Variants in SPOCK1 observed in about 807,000 individuals in gnomAD.
The protein encoded by SPOCK1 is testican-1.
SPOCK1 carries 23 observed loss-of-function variants against 55.3 expected under a neutral mutation model. The ratio of observed to expected loss-of-function variants is 0.42; its 90% CI spans 0.30 to 0.59. The LOEUF (loss-of-function observed/expected upper bound fraction) is 0.59. Among genes scored for constraint, SPOCK1 ranks in the 20% least tolerant of loss-of-function variants. SPOCK1 has a pLI of 0.22. For synonymous variants in SPOCK1, 226 were observed against 221.0 expected (o/e 1.02, Z -0.20); for missense variants, 499 against 552.5 (o/e 0.90, Z 0.97).
chr5:137,388,918 C>G (rs150261484), intron 2 of SPOCK1, among the ~76,000 whole-genome samples: 1 of 152,310 alleles, frequency 6.6e-6, no homozygotes, highest in East Asian at 1.9e-4. Flanking sequence ...GAATTTGCCA[C>G]AGACCATTCA....
At chr5:137,021,781 G>A (rs1385467139) in intron 6 of SPOCK1, among the ~76,000 whole-genome samples, 1 of 152,004 alleles carries the variant, frequency 6.6e-6, no homozygotes, top group Non-Finnish European at 1.5e-5. Context: ...GGAAGAAGAT[G>A]ACAATATTTT....
intron 5 of SPOCK1, among the ~76,000 whole-genome samples, chr5:137,103,650 G>A (rs534897965): frequency 2.1e-4 from 32 of 152,266 alleles, no homozygotes; most frequent in African/African-American, 6.7e-4. Context: ...ATGTAATCCC[G>A]TTATAAGCCT....
intron 6 of SPOCK1, among the ~76,000 whole-genome samples, chr5:137,021,372 T>A (rs1226293165): frequency 6.6e-6 from 1 of 152,092 alleles, no homozygotes; most frequent in Non-Finnish European, 1.5e-5. Flanking sequence ...AGAAAATTAA[T>A]GTAGCAATAA....
intron 2 of SPOCK1, among the ~76,000 whole-genome samples, chr5:137,359,048 C>T (rs1165794509): frequency 6.6e-6 from 1 of 152,164 alleles, no homozygotes; most frequent in African/African-American, 2.4e-5. Context: ...CAAAGGGAGT[C>T]TAAATAAATC....
chr5:137,004,243 C>A (rs1268956656), intron 6 of SPOCK1, among the ~76,000 whole-genome samples: 1 of 152,132 alleles, frequency 6.6e-6, no homozygotes, highest in East Asian at 1.9e-4. Flanking sequence ...AGGACACCTG[C>A]ATTATCATGC....
At chr5:136,978,887 C>T in intron 10 of SPOCK1, 43 bp from the exon 11 acceptor site, 1 of 1,552,320 alleles carries the variant, frequency 6.4e-7, no homozygotes, top group Non-Finnish European at 8.7e-7. Flanking sequence ...TCCACTTATA[C>T]CTCATGACCC....
chr5:137,431,856 C>T (rs1410897038), intron 2 of SPOCK1, among the ~76,000 whole-genome samples: 1 of 152,164 alleles, frequency 6.6e-6, no homozygotes, highest in African/African-American at 2.4e-5. Context: ...CTAAATAAGC[C>T]TCTTTTCTTT....
intron 2 of SPOCK1, among the ~76,000 whole-genome samples, chr5:137,373,924 C>A (rs752438163): frequency 3.9e-5 from 6 of 152,126 alleles, no homozygotes; most frequent in Admixed American, 6.5e-5. Context: ...ATTTATGGAG[C>A]CCACACTGTT....
At chr5:137,040,084 ACTTGCTTCCCTGCT>A (rs1243938137) in intron 6 of SPOCK1, among the ~76,000 whole-genome samples, 1 of 152,170 alleles carries the variant, frequency 6.6e-6, no homozygotes, top group Non-Finnish European at 1.5e-5. Flanking sequence ...TTCCTCCTGC[ACTTGCTTCCCTGCT>A]CTGGCTGTGT....
chr5:137,088,110 G>A (rs1475011055), intron 5 of SPOCK1, among the ~76,000 whole-genome samples: 1 of 152,160 alleles, frequency 6.6e-6, no homozygotes, highest in Non-Finnish European at 1.5e-5. Flanking sequence ...GGGACCACAG[G>A]AGGCTGGACT....
intron 5 of SPOCK1, among the ~76,000 whole-genome samples, chr5:137,082,282 G>T (rs1484101566): frequency 6.6e-6 from 1 of 152,238 alleles, no homozygotes; most frequent in Non-Finnish European, 1.5e-5. Flanking sequence ...AAATATCTGG[G>T]TAACTTCTTG....
chr5:137,275,043 C>T (rs1757035152), intron 2 of SPOCK1, among the ~76,000 whole-genome samples: 1 of 152,188 alleles, frequency 6.6e-6, no homozygotes. Flanking sequence ...GGACCTGAAC[C>T]TGCTCTGAAC....
intron 2 of SPOCK1, among the ~76,000 whole-genome samples, chr5:137,284,342 A>G (rs1757225484): frequency 6.6e-6 from 1 of 152,200 alleles, no homozygotes; most frequent in Admixed American, 6.5e-5. Flanking sequence ...CAGAACAGGT[A>G]TTGGTTGAAT....
chr5:137,437,394 A>T (rs528526029), intron 2 of SPOCK1, among the ~76,000 whole-genome samples: 1 of 152,334 alleles, frequency 6.6e-6, no homozygotes, highest in South Asian at 2.1e-4. Flanking sequence ...AAAGAGATTA[A>T]GTTTTTTAAC....
At chr5:137,027,325 G>A (rs1309981218) in intron 6 of SPOCK1, among the ~76,000 whole-genome samples, 2 of 152,180 alleles carry the variant, frequency 1.3e-5, no homozygotes, top group East Asian at 3.8e-4. Context: ...GCCATCATAA[G>A]CTGTTAGGTC....
intron 1 of SPOCK1, 23 bp from the exon 2 acceptor site, chr5:137,498,581 C>G: frequency 1.4e-6 from 2 of 1,412,060 alleles, no homozygotes; most frequent in Non-Finnish European, 9.2e-7. Context: ...GCGCGCAGGG[C>G]GATGAGCGAA....
chr5:137,301,559 T>A (rs1187650870), intron 2 of SPOCK1, among the ~76,000 whole-genome samples: 1 of 150,972 alleles, frequency 6.6e-6, no homozygotes, highest in African/African-American at 2.4e-5. Context: ...TCTTTGCATC[T>A]CCTGTTTCTA....
chr5:137,205,885 C>T (rs1200784877), intron 3 of SPOCK1, among the ~76,000 whole-genome samples: 1 of 152,206 alleles, frequency 6.6e-6, no homozygotes, highest in Admixed American at 6.5e-5. Flanking sequence ...ATCTAGTCCT[C>T]ACCAAAGCCC....
intron 5 of SPOCK1, among the ~76,000 whole-genome samples, chr5:137,101,530 T>C (rs1753264120): frequency 6.6e-6 from 1 of 152,252 alleles, no homozygotes; most frequent in Admixed American, 6.5e-5. Flanking sequence ...ATTCTTCAAA[T>C]CTTGGTTAAA....
Sources: gnomAD v4.1 joint callset for allele counts (sites outside exome capture counted in the v4.1 genomes callset) on GRCh38, gnomAD v4.1.1 for gene constraint, MANE v1.5 for transcripts, NCBI Gene and HGNC (gene_info 2026-07-23, HGNC 2026-07-21) for gene names.